The following CACNA1S variants were observed in gnomAD, a reference collection of about 807,000 sequenced individuals.
CACNA1S encodes the protein voltage-dependent L-type calcium channel subunit alpha-1S.
A neutral mutation model predicts 207.4 loss-of-function variants in CACNA1S; 126 were observed. The ratio of observed to expected loss-of-function variants is 0.61; its 90% CI spans 0.53 to 0.70. The LOEUF is 0.70. CACNA1S is among the 30% of genes least tolerant of loss of function. The probability of loss-of-function intolerance (pLI) is 0.00; values close to 1 mark genes in which losing one functional copy is unlikely to be tolerated. For synonymous variants in CACNA1S, 960 were observed against 932.7 expected (o/e 1.03, Z -0.53); for missense variants, 2,349 against 2,422.8 (o/e 0.97, Z 0.64).
chr1:201,062,329 C>T (rs1661078510), intron 23 of CACNA1S, 133 bp downstream of exon 23: 2 of 1,032,118 alleles, frequency 1.9e-6, no homozygotes. Context: ...ACACACAGTC[C>T]CCTGCCCTGT....
At chr1:201,095,306 AC>A (rs1203478931) in intron 2 of CACNA1S, among the ~76,000 whole-genome samples, 1 of 151,960 alleles carries the variant, frequency 6.6e-6, no homozygotes, top group African/African-American at 2.4e-5. Flanking sequence ...CAACACTCAC[AC>A]CCATGGAAGC....
intron 37 of CACNA1S, 91 bp from the exon 38 acceptor site, chr1:201,047,330 ATGCAAGCAATCCTTTGTCTT>A (rs749042582): frequency 1.3e-6 from 2 of 1,550,604 alleles, no homozygotes; most frequent in Non-Finnish European, 1.8e-6. Context: ...AGGCCCGGGC[ATGCAAGCAATCCTTTGTCTT>A]GCTGACTTGG....
intron 28 of CACNA1S, 56 bp from the exon 29 acceptor site, chr1:201,054,617 A>G: frequency 7.0e-6 from 10 of 1,435,786 alleles, no homozygotes; most frequent in Non-Finnish European, 9.7e-6. Flanking sequence ...GAGGAGGGAC[A>G]TGTGGGAGGG....
At chr1:201,096,377 T>C (rs747846590) in intron 2 of CACNA1S, among the ~76,000 whole-genome samples, 1 of 152,210 alleles carries the variant, frequency 6.6e-6, no homozygotes, top group African/African-American at 2.4e-5. Context: ...AACAGTGTCA[T>C]CAATGTCACA....
intron 2 of CACNA1S, among the ~76,000 whole-genome samples, chr1:201,105,231 A>G (rs80290806): frequency 0.01 from 1,535 of 152,192 alleles, 23 homozygotes; most frequent in African/African-American, 0.035. Flanking sequence ...TGGGGGTTAG[A>G]CCCTTTGAAT....
intron 11 of CACNA1S, 55 bp downstream of exon 11, chr1:201,077,824 C>G: frequency 7.9e-7 from 1 of 1,268,622 alleles, no homozygotes; most frequent in Non-Finnish European, 1.1e-6. Context: ...GTAGACCAGA[C>G]CAGCCCGTGG....
intron 19 of CACNA1S, among the ~76,000 whole-genome samples, chr1:201,068,605 G>T (rs944690752): frequency 6.7e-6 from 1 of 150,144 alleles, no homozygotes; most frequent in Admixed American, 6.6e-5. Flanking sequence ...GGGCGAGGTG[G>T]CTCATGCCTG....
At chr1:201,063,809 G>A (rs994824886) in intron 22 of CACNA1S, among the ~76,000 whole-genome samples, 1 of 152,208 alleles carries the variant, frequency 6.6e-6, no homozygotes, top group Non-Finnish European at 1.5e-5. Context: ...AAGGTGAGGC[G>A]GGTGGTACTG....
At chr1:201,070,806 G>A (rs1172772492) in intron 16 of CACNA1S, among the ~76,000 whole-genome samples, 3 of 152,114 alleles carry the variant, frequency 2.0e-5, no homozygotes. Flanking sequence ...TGCAGTGCTG[G>A]GAAGGTCTGT....
At chr1:201,099,680 C>A (rs1662566690) in intron 2 of CACNA1S, among the ~76,000 whole-genome samples, 2 of 152,138 alleles carry the variant, frequency 1.3e-5, no homozygotes, top group Non-Finnish European at 2.9e-5. Context: ...TGTCCCCTCC[C>A]TCTTAGGAAC....
chr1:201,061,263 G>T lies in CACNA1S; in HGVS notation c.3255+4C>A. ...CCTCCACCTCTGGCAGGCAGCCCAGGCACCTGGTTCTTGTCCAGCTCACAG... is the reference window on the plus strand; with the variant it reads ...CCTCCACCTCTGGCAGGCAGCCCAGTCACCTGGTTCTTGTCCAGCTCACAG... On this transcript the variant is annotated splice_donor_region_variant and intron_variant, in intron 25 of 43. Transcript: ENST00000362061. 6.2e-7 allele frequency: 1 copy of T among 1,613,866 alleles called. No homozygotes were observed.
chr1:201,064,398 C>T lies in CACNA1S; in HGVS notation c.2853+1440G>A, dbSNP rs553070165. On this transcript the variant is annotated intron_variant, in intron 22 of 43. Coordinates refer to ENST00000362061, the MANE Select transcript of CACNA1S (RefSeq NM_000069.3). ...ACAGGGACCAACAAGACCTATTCCCCGCGAAGATTCTCTAGGGGCTCCACG... is the reference window on the plus strand; with the variant it reads ...ACAGGGACCAACAAGACCTATTCCCTGCGAAGATTCTCTAGGGGCTCCACG... Among the ~76,000 whole-genome samples the T allele has an allele frequency of 5.9e-5, 9 of 152,352 alleles. 1 individual carries two copies. The highest frequency in any genetic ancestry group is 6.8e-3 in the Middle Eastern group (2 of 294).
In CACNA1S at chr1:201,074,573, C is replaced by T. The variant is rs377082783; in HGVS notation, c.1996G>A (p.Glu666Lys). ...FLAIAVDNLA[E>K]AESLTSAQKA... Reference sequence around the variant, plus strand: ...TGGGCAGAAGTCAGGCTCTCCGCCTCGGCCAGGTTGTCCACGGCAATGGCC... The same window carrying T: ...TGGGCAGAAGTCAGGCTCTCCGCCTTGGCCAGGTTGTCCACGGCAATGGCC... The change falls in exon 14 of 44, where the codon GAG (glutamate) becomes AAG (lysine). Residue 666 changes from glutamate to lysine, a missense_variant. By Grantham distance (56) the Glu-to-Lys change is moderately conservative. Transcript: ENST00000362061. The T allele has an allele frequency of 4.4e-5, 71 of 1,613,934 alleles. No individual in the cohort carries two copies. Among genetic ancestry groups the T allele is most frequent in the Non-Finnish European group, 5.4e-5 (64 of 1,179,958 alleles).
At chr1:201,080,474 A>T (rs1257081071) in intron 10 of CACNA1S, among the ~76,000 whole-genome samples, 1 of 152,192 alleles carries the variant, frequency 6.6e-6, no homozygotes, top group Non-Finnish European at 1.5e-5. Context: ...GCTCTCGAGA[A>T]GATTGGTTGA....
At chr1:201,062,174 G>T in intron 23 of CACNA1S, 84 bp from the exon 24 acceptor site, 1 of 1,526,968 alleles carries the variant, frequency 6.5e-7, no homozygotes. Flanking sequence ...TGGGTGGGGA[G>T]TGTGAAGGAG....
At position 201,110,286 on chromosome 1, in the gene CACNA1S, G is replaced by C; in HGVS notation, c.153-17C>G. 6.2e-7 allele frequency: 1 copy of C among 1,611,908 alleles called. No individual in the cohort carries two copies. The highest frequency in any genetic ancestry group is 8.5e-7 in the Non-Finnish European group (1 of 1,177,936). ...TCGAAGGGCCTGGAGCCAGGGTTAA[G>C]GAGAGCCCTCGAGTGAGGCAAGGGA... On this transcript the variant is annotated splice_polypyrimidine_tract_variant and intron_variant, in intron 1 of 43. Transcript: ENST00000362061.
Position 201,091,999 on chromosome 1 carries a change from G to T in CACNA1S, c.514C>A (p.Pro172Thr), listed in dbSNP as rs370041629. The change falls in exon 4 of 44, where the codon CCC becomes ACC. Residue 172 changes from proline (P) to threonine (T), a missense_variant. Physicochemically the swap from Pro to Thr is conservative, Grantham distance 38 (BLOSUM62 -1). Transcript: ENST00000362061. The part of the protein sequence containing the change: ...KALRAFRVLR[P>T]LRLVSGVPSL... Reference sequence around the variant, plus strand: ...GGCACCCCCGACACCAGCCGGAGGGGTCTGAGCACTCGGAAGGCTCTGAGG... The same window carrying T: ...GGCACCCCCGACACCAGCCGGAGGGTTCTGAGCACTCGGAAGGCTCTGAGG... The T allele has an allele frequency of 6.2e-6, 10 of 1,614,164 alleles. No individual in the cohort carries two copies. The highest frequency in any genetic ancestry group is 8.5e-6 in the Non-Finnish European group (10 of 1,180,024).
At chr1:201,111,220 A>C (rs1663090943) in intron 1 of CACNA1S, among the ~76,000 whole-genome samples, 1 of 152,074 alleles carries the variant, frequency 6.6e-6, no homozygotes, top group African/African-American at 2.4e-5. Flanking sequence ...CCTGACCCCA[A>C]ACTATCTCTA....
At chr1:201,061,097 T>C (rs1292357978) in intron 25 of CACNA1S, among the ~76,000 whole-genome samples, 170 bp downstream of exon 25, 1 of 152,164 alleles carries the variant, frequency 6.6e-6, no homozygotes, top group Admixed American at 6.5e-5. Flanking sequence ...TACCAACTTG[T>C]ATTGCTTCAG....
Sources: allele counts gnomAD v4.1 joint callset (sites outside exome capture counted in the v4.1 genomes callset), GRCh38; gene constraint gnomAD v4.1.1; transcripts MANE v1.5; gene names NCBI Gene and HGNC (gene_info 2026-07-23, HGNC 2026-07-21).